Variants in TOM1L1 observed in about 807,000 individuals in gnomAD.
TOM1L1 encodes the protein TOM1-like protein 1.
Under a neutral mutation model 63.4 loss-of-function variants are expected in TOM1L1, and 64 were observed. That is an observed-to-expected ratio of 1.01 (90% confidence interval 0.83 to 1.24). The LOEUF (loss-of-function observed/expected upper bound fraction) is 1.24, where lower values mean the gene tolerates loss of function less well. Ranked by LOEUF, TOM1L1 falls within the 50% of genes most tolerant of loss-of-function variation. TOM1L1 has a pLI of 0.00. For synonymous variants in TOM1L1, 166 were observed against 194.4 expected (o/e 0.85, Z 1.22); for missense variants, 536 against 567.0 (o/e 0.95, Z 0.55).
intron 8 of TOM1L1, among the ~76,000 whole-genome samples, chr17:54,932,722 C>T (rs1359795871): frequency 6.6e-6 from 1 of 152,086 alleles, no homozygotes; most frequent in Non-Finnish European, 1.5e-5. Context: ...CGCCTGGCCA[C>T]CATGCTTTCT....
At position 54,905,475 on chromosome 17, in the gene TOM1L1, A is replaced by T. The variant is rs368666117; in HGVS notation, c.144-14A>T. 43 of 1,588,894 alleles carry T rather than the reference A, an allele frequency of 2.7e-5. No individual in the cohort carries two copies. The African/African-American group carries it at 4.5e-4, about 16-fold the overall frequency. ...ATGCCTAAATTGGTGATTTCAGTGTATTTATTGCTATAGGCCAAAAGATGC... is the reference window on the plus strand; with the variant it reads ...ATGCCTAAATTGGTGATTTCAGTGTTTTTATTGCTATAGGCCAAAAGATGC... On this transcript the variant is annotated splice_polypyrimidine_tract_variant and intron_variant, in intron 2 of 15. Coordinates refer to ENST00000575882, the MANE Select transcript of TOM1L1 (RefSeq NM_005486.3).
chr17:54,933,705 TAG>T (rs1445951350), intron 8 of TOM1L1, among the ~76,000 whole-genome samples: 2 of 152,178 alleles, frequency 1.3e-5, no homozygotes, highest in African/African-American at 4.8e-5. Context: ...GTATTTTTAG[TAG>T]AGACGGGGTT....
intron 1 of TOM1L1, 87 bp downstream of exon 1, chr17:54,901,010 G>C: frequency 1.9e-6 from 3 of 1,574,350 alleles, no homozygotes; most frequent in Non-Finnish European, 2.6e-6. Context: ...TGCAGAGGAC[G>C]GAGTTAGTCC....
At chr17:54,952,113 C>T (rs1462239971) in intron 14 of TOM1L1, 1 of 152,100 alleles carries the variant, frequency 6.6e-6, no homozygotes, top group Non-Finnish European at 1.5e-5. Flanking sequence ...TTTTTCTAAT[C>T]TGGAAGATAC....
Position 54,961,500 on chromosome 17 carries a change from C to G in TOM1L1, c.*267C>G, listed in dbSNP as rs2077124429. ...GAAGAAAAATTACTTAGTCCTTAGG[C>G]CAACCAATTTAACTGCAGTGTCATG... On this transcript the variant is annotated 3_prime_UTR_variant, in exon 16 of 16. Coordinates refer to ENST00000575882, the MANE Select transcript of TOM1L1 (RefSeq NM_005486.3). 1 of 1,420,398 alleles carries G rather than the reference C, an allele frequency of 7.0e-7. No individual in the cohort carries two copies. Among genetic ancestry groups the G allele is most frequent in the African/African-American group, 1.4e-5 (1 of 69,394 alleles). The allele number at this position is 1,420,398 out of a possible 1,614,324, so 88.0% of individuals were successfully genotyped here.
At chr17:54,959,670 T>A (rs926546076) in intron 14 of TOM1L1, among the ~76,000 whole-genome samples, 1 of 148,092 alleles carries the variant, frequency 6.8e-6, no homozygotes, top group East Asian at 2.0e-4. Flanking sequence ...CAGGCTGGAG[T>A]GCAGTGGCAC....
rs142514245 is a variant in TOM1L1, at chr17:54,922,535, C to T, written c.720+6673C>T. Among the ~76,000 whole-genome samples, 23 of 151,880 alleles carry T rather than the reference C, an allele frequency of 1.5e-4. No individual in the cohort carries two copies. The South Asian group carries it at 4.0e-3, about 26-fold the overall frequency. On this transcript the variant is annotated intron_variant, in intron 7 of 15. Transcript: ENST00000575882. ...GGAGGATCGCTTGAACCTGGGAGGT[C>T]GAGGCTGCAGTAAACCGTGATTGCA...
chr17:54,919,212 T>G (rs2048641064), intron 7 of TOM1L1, among the ~76,000 whole-genome samples: 1 of 152,198 alleles, frequency 6.6e-6, no homozygotes, highest in Non-Finnish European at 1.5e-5. Context: ...ATATAAACTT[T>G]TTAACTTATG....
chr17:54,902,656 T>C (rs373329352), intron 1 of TOM1L1, among the ~76,000 whole-genome samples: 61 of 152,344 alleles, frequency 4.0e-4, no homozygotes, highest in African/African-American at 1.5e-3. Flanking sequence ...CAAGTCCTTA[T>C]TCTTCCCCTT....
chr17:54,941,989 C>G (rs1270629565), intron 11 of TOM1L1, among the ~76,000 whole-genome samples: 3 of 152,146 alleles, frequency 2.0e-5, no homozygotes, highest in Non-Finnish European at 4.4e-5. Context: ...TTTTCCATCC[C>G]TTTGTTTGCA....
At chr17:54,917,926 C>G (rs1483602527) in intron 7 of TOM1L1, among the ~76,000 whole-genome samples, 2 of 152,238 alleles carry the variant, frequency 1.3e-5, no homozygotes, top group Non-Finnish European at 2.9e-5. Flanking sequence ...TACCCTATCC[C>G]TCTGTCCCAA....
chr17:54,934,868 C>T (rs1278727271), intron 8 of TOM1L1, among the ~76,000 whole-genome samples: 1 of 152,054 alleles, frequency 6.6e-6, no homozygotes, highest in Non-Finnish European at 1.5e-5. Context: ...GAGACACATG[C>T]CACCACGCCC....
At chr17:54,934,419 T>C (rs2048913495) in intron 8 of TOM1L1, among the ~76,000 whole-genome samples, 1 of 152,242 alleles carries the variant, frequency 6.6e-6, no homozygotes, top group African/African-American at 2.4e-5. Flanking sequence ...CCTTGCCATG[T>C]AACCTAACAT....
At chr17:54,913,499 A>G (rs1173200282) in intron 4 of TOM1L1, among the ~76,000 whole-genome samples, 1 of 152,068 alleles carries the variant, frequency 6.6e-6, no homozygotes, top group African/African-American at 2.4e-5. Context: ...CCCCGTCTCT[A>G]CTAAAAAATA....
chr17:54,948,205 G>A (rs1002742175), intron 12 of TOM1L1, among the ~76,000 whole-genome samples: 5 of 152,138 alleles, frequency 3.3e-5, no homozygotes, highest in African/African-American at 9.7e-5. Flanking sequence ...GGGAAGCCCT[G>A]TTTCAACCTT....
chr17:54,921,275 A>G (rs1236615812), intron 7 of TOM1L1, among the ~76,000 whole-genome samples: 1 of 152,170 alleles, frequency 6.6e-6, no homozygotes, highest in Admixed American at 6.5e-5. Context: ...TTTAATATCT[A>G]GCATTTTTAG....
Position 54,961,288 on chromosome 17 carries a change from C to T in TOM1L1, c.*55C>T, listed in dbSNP as rs550630307. 14 of 1,551,528 alleles carry T rather than the reference C, an allele frequency of 9.0e-6. No individual in the cohort carries two copies. The highest frequency in any genetic ancestry group is 2.4e-5 in the East Asian group (1 of 40,900). On this transcript the variant is annotated 3_prime_UTR_variant, in exon 16 of 16. Coordinates refer to ENST00000575882, the MANE Select transcript of TOM1L1 (RefSeq NM_005486.3). Reference sequence around the variant, plus strand: ...CATCAAAGGTGCCAACTCTCTAAAACGTAGACTCTGTGCAGCTTTGAAGCC... The same window carrying T: ...CATCAAAGGTGCCAACTCTCTAAAATGTAGACTCTGTGCAGCTTTGAAGCC...
intron 10 of TOM1L1, chr17:54,938,438 G>T (rs1171530452): frequency 6.8e-6 from 1 of 147,710 alleles, no homozygotes; most frequent in African/African-American, 2.5e-5. Flanking sequence ...AGGTTGTGGT[G>T]AGCCGAGATC....
chr17:54,911,700 C>G (rs1478564753), intron 3 of TOM1L1, among the ~76,000 whole-genome samples: 2 of 152,182 alleles, frequency 1.3e-5, no homozygotes, highest in Admixed American at 1.3e-4. Context: ...TTTTCTATAA[C>G]ATGCCTGAAA....
Sources: allele counts gnomAD v4.1 joint callset (sites outside exome capture counted in the v4.1 genomes callset), GRCh38; gene constraint gnomAD v4.1.1; transcripts MANE v1.5; gene names NCBI Gene and HGNC (gene_info 2026-07-23, HGNC 2026-07-21).